Variants in FRRS1L observed in about 807,000 individuals in gnomAD.
The protein encoded by FRRS1L is ferric chelate reductase 1 like, also known as DOMON domain-containing protein FRRS1L.
In FRRS1L, 22 loss-of-function variants were observed where a neutral mutation model predicts 28.6. The ratio of observed to expected loss-of-function variants is 0.77; its 90% CI spans 0.55 to 1.10. FRRS1L has a LOEUF of 1.10. Among genes scored for constraint, FRRS1L ranks in the 50% least tolerant of loss-of-function variants. The pLI is 0.00. For synonymous variants in FRRS1L, 158 were observed against 151.4 expected (o/e 1.04, Z -0.32); for missense variants, 380 against 386.9 (o/e 0.98, Z 0.15).
Position 109,135,698 on chromosome 9 carries a change from GC to G in FRRS1L, c.*1756del, listed in dbSNP as rs1381581523. 6.6e-6 allele frequency: 1 copy of G among 151,968 alleles called. No homozygotes were observed. Among genetic ancestry groups the G allele is most frequent in the Non-Finnish European group, 1.5e-5 (1 of 68,034 alleles). The allele number at this position is 151,968 out of a possible 1,614,324, so 9.4% of individuals were successfully genotyped here. ...ACTCCTGACCTCAGGTGATCCGCCTGCCTTGGCCTCCCAAAGTGCTGGGATT... is the reference window on the plus strand; with the variant it reads ...ACTCCTGACCTCAGGTGATCCGCCTGCTTGGCCTCCCAAAGTGCTGGGATT... On this transcript the variant is annotated 3_prime_UTR_variant, in exon 5 of 5. Transcript: ENST00000561981.
chr9:109,149,542 C>T lies in FRRS1L; in HGVS notation c.323+94G>A, dbSNP rs930464677. On this transcript the variant is annotated intron_variant, in intron 2 of 4. Transcript: ENST00000561981. ...CTGAGGTGATCAAGGAGCTCAGGCCCCCTGATTAGAAGGAACTGCATGCAA... is the reference window on the plus strand; with the variant it reads ...CTGAGGTGATCAAGGAGCTCAGGCCTCCTGATTAGAAGGAACTGCATGCAA... The T allele has an allele frequency of 3.7e-6, 3 of 806,494 alleles. No homozygotes were observed. The South Asian group carries it at 4.9e-5, about 13-fold the overall frequency. 50.0% of individuals were successfully genotyped at this position (806,494 alleles called of 1,614,324 possible).
intron 1 of FRRS1L, among the ~76,000 whole-genome samples, chr9:109,166,519 C>T (rs545325415): frequency 6.6e-6 from 1 of 152,212 alleles, no homozygotes; most frequent in East Asian, 1.9e-4. Flanking sequence ...CTGCCCTGGC[C>T]AGATGGCGGC....
chr9:109,160,171 T>C (rs973999810), intron 1 of FRRS1L, among the ~76,000 whole-genome samples: 1 of 152,182 alleles, frequency 6.6e-6, no homozygotes, highest in Non-Finnish European at 1.5e-5. Flanking sequence ...CCTTTCTTCT[T>C]TTCTTCTATC....
Position 109,144,606 on chromosome 9 carries a change from C to G in FRRS1L, c.462+2445G>C, listed in dbSNP as rs1588098316. On this transcript the variant is annotated intron_variant, in intron 3 of 4. Coordinates refer to ENST00000561981, the MANE Select transcript of FRRS1L (RefSeq NM_014334.4). ...TCTCGAACTCCCGACCTCAAGCAAT[C>G]CACCTGCTTCAGCCTCCCAAAGTGC... 1.3e-5 allele frequency among the ~76,000 whole-genome samples: 2 copies of G among 151,986 alleles called. 1 individual carries two copies. Among genetic ancestry groups the G allele is most frequent in the East Asian group, 3.9e-4 (2 of 5,176 alleles).
At chr9:109,161,263 T>A (rs931447611) in intron 1 of FRRS1L, among the ~76,000 whole-genome samples, 1 of 152,174 alleles carries the variant, frequency 6.6e-6, no homozygotes, top group Admixed American at 6.5e-5. Flanking sequence ...ATCACTTAAA[T>A]TGTTTTGGCT....
chr9:109,167,087 G>C lies in FRRS1L; in HGVS notation c.52C>G (p.Leu18Val). The C allele has an allele frequency of 8.5e-7, 1 of 1,181,608 alleles. No individual in the cohort carries two copies. The highest frequency in any genetic ancestry group is 1.0e-6 in the Non-Finnish European group (1 of 957,692). The allele number at this position is 1,181,608 out of a possible 1,614,324, so 73.2% of individuals were successfully genotyped here. Residue 18 changes from leucine (L) to valine (V), a missense_variant, in exon 1 of 5, where the codon CTG becomes GTG. Leu to Val is a conservative substitution (Grantham distance 32). Transcript: ENST00000561981. ...CAGGCGGCGGGCCCCGTCAGTAGCA[G>C]CAGGAGCAGCGACGCCCAGACCCCC... Reference protein sequence around the residue: ...HPGVWASLLLLLLTGPAACAA... With the variant: ...HPGVWASLLLVLLTGPAACAA...
At chr9:109,166,868 C>A in intron 1 of FRRS1L, 33 bp downstream of exon 1, 1 of 1,097,034 alleles carries the variant, frequency 9.1e-7, no homozygotes, top group South Asian at 3.2e-5. Context: ...CCGGTCTCCC[C>A]TCCCGCAACC....
At chr9:109,144,750 CT>C (rs1384859117) in intron 3 of FRRS1L, among the ~76,000 whole-genome samples, 1 of 151,970 alleles carries the variant, frequency 6.6e-6, no homozygotes, top group Non-Finnish European at 1.5e-5. Flanking sequence ...ATGGCACGAT[CT>C]CAGCTCGCTG....
chr9:109,146,890 C>T (rs1831268638), intron 3 of FRRS1L, among the ~76,000 whole-genome samples, 161 bp downstream of exon 3: 1 of 152,164 alleles, frequency 6.6e-6, no homozygotes, highest in African/African-American at 2.4e-5. Flanking sequence ...GATAGCCAAC[C>T]CTTTCATTTA....
In FRRS1L at chr9:109,136,250, A is replaced by G. The variant is rs1246192085; in HGVS notation, c.*1205T>C. The G allele has an allele frequency of 6.6e-6, 1 of 151,608 alleles. No individual in the cohort carries two copies. Among genetic ancestry groups the G allele is most frequent in the African/African-American group, 2.4e-5 (1 of 41,226 alleles). The allele number at this position is 151,608 out of a possible 1,614,324, so 9.4% of individuals were successfully genotyped here. ...ATTCATCGCAAAAAAAAAAAAAAAT[A>G]CATTTTTAATCACACTTAAGGTATG... On this transcript the variant is annotated 3_prime_UTR_variant, in exon 5 of 5. Coordinates refer to ENST00000561981, the MANE Select transcript of FRRS1L (RefSeq NM_014334.4).
At chr9:109,162,800 C>A (rs1284412983) in intron 1 of FRRS1L, among the ~76,000 whole-genome samples, 4 of 152,236 alleles carry the variant, frequency 2.6e-5, no homozygotes, top group African/African-American at 9.6e-5. Context: ...GATGACTAAA[C>A]TTCTGCCCTT....
In FRRS1L at chr9:109,135,406, T is replaced by C. The variant is rs1831100348; in HGVS notation, c.*2049A>G. ...GGCGCCTAATGTCAAGGCATTACTA[T>C]GAATTATGCTGACTACCTGTCTAGT... On this transcript the variant is annotated 3_prime_UTR_variant, in exon 5 of 5. Coordinates refer to ENST00000561981, the MANE Select transcript of FRRS1L (RefSeq NM_014334.4). 2 of 152,226 alleles carry C rather than the reference T, an allele frequency of 1.3e-5. No homozygotes were observed. Among genetic ancestry groups the C allele is most frequent in the Admixed American group, 1.3e-4 (2 of 15,284 alleles). The allele number at this position is 152,226 out of a possible 1,614,324, so 9.4% of individuals were successfully genotyped here.
Position 109,134,539 on chromosome 9 carries a change from A to T in FRRS1L, c.*2916T>A, listed in dbSNP as rs1831091390. The T allele has an allele frequency of 6.6e-6, 1 of 152,234 alleles. No individual in the cohort carries two copies. The highest frequency in any genetic ancestry group is 1.5e-5 in the Non-Finnish European group (1 of 68,046). The allele number at this position is 152,234 out of a possible 1,614,324, so 9.4% of individuals were successfully genotyped here. Reference sequence around the variant, plus strand: ...CTGAGAGCCTCTCAGTCTTGCTAAGACATAGCAAGTGAGGAGGAGTGGCAA... The same window carrying T: ...CTGAGAGCCTCTCAGTCTTGCTAAGTCATAGCAAGTGAGGAGGAGTGGCAA... On this transcript the variant is annotated 3_prime_UTR_variant, in exon 5 of 5. Transcript: ENST00000561981.
chr9:109,162,605 G>T (rs894995198), intron 1 of FRRS1L, among the ~76,000 whole-genome samples: 5 of 152,140 alleles, frequency 3.3e-5, no homozygotes, highest in Non-Finnish European at 5.9e-5. Flanking sequence ...CCTAAAGCGG[G>T]GCCTGCTGCG....
At chr9:109,158,234 G>A (rs185295751) in intron 1 of FRRS1L, among the ~76,000 whole-genome samples, 6 of 152,090 alleles carry the variant, frequency 3.9e-5, no homozygotes, top group Admixed American at 3.3e-4. Flanking sequence ...TTGGTAAGTT[G>A]CATTTTTTTT....
intron 3 of FRRS1L, among the ~76,000 whole-genome samples, chr9:109,145,799 C>T (rs535170154): frequency 6.6e-6 from 1 of 152,156 alleles, no homozygotes; most frequent in Non-Finnish European, 1.5e-5. Flanking sequence ...GTAGCACACC[C>T]AACAGGGTGT....
At chr9:109,149,164 G>T (rs1198997409) in intron 2 of FRRS1L, among the ~76,000 whole-genome samples, 2 of 152,180 alleles carry the variant, frequency 1.3e-5, no homozygotes, top group African/African-American at 4.8e-5. Flanking sequence ...TAATAATCAT[G>T]TAGAGACTCA....
rs1588095266 is a variant in FRRS1L at position 109,136,393 on chromosome 9, TATC to T, written c.*1059_*1061del. ...GAATTCCCTTTTTTTTTTTTTTTAATATCATTAACACAACTTTACATCTTCAGG... is the reference window on the plus strand; with the variant it reads ...GAATTCCCTTTTTTTTTTTTTTTAATATTAACACAACTTTACATCTTCAGG... On this transcript the variant is annotated 3_prime_UTR_variant, in exon 5 of 5. Transcript: ENST00000561981. 1 of 151,562 alleles carries T rather than the reference TATC, an allele frequency of 6.6e-6. No homozygotes were observed. Among genetic ancestry groups the T allele is most frequent in the South Asian group, 2.1e-4 (1 of 4,786 alleles). The allele number at this position is 151,562 out of a possible 1,614,324, so 9.4% of individuals were successfully genotyped here.
In FRRS1L at chr9:109,131,194, A is replaced by G. The variant is rs1831053388; in HGVS notation, c.*6261T>C. ...TAAATACAAAACCTGTATAGGTTGC[A>G]TCAACATGCCAGTTACTCAGCTAAC... On this transcript the variant is annotated 3_prime_UTR_variant, in exon 5 of 5. Coordinates refer to ENST00000561981, the MANE Select transcript of FRRS1L (RefSeq NM_014334.4). The G allele has an allele frequency of 6.6e-6, 1 of 152,278 alleles. No homozygotes were observed. The highest frequency in any genetic ancestry group is 2.1e-4 in the South Asian group (1 of 4,836). The allele number at this position is 152,278 out of a possible 1,614,324, so 9.4% of individuals were successfully genotyped here.
Sources: allele counts gnomAD v4.1 joint callset (sites outside exome capture counted in the v4.1 genomes callset), GRCh38; gene constraint gnomAD v4.1.1; transcripts MANE v1.5; gene names NCBI Gene and HGNC (gene_info 2026-07-23, HGNC 2026-07-21).